The following FBXO34 variants were observed in gnomAD, a reference collection of about 807,000 sequenced individuals.
FBXO34 encodes F-box protein 34.
FBXO34 carries 12 observed loss-of-function variants against 24.5 expected under a neutral mutation model. The observed-to-expected ratio is 0.49, with a 90% CI of 0.31 to 0.79. The LOEUF (loss-of-function observed/expected upper bound fraction) is 0.79. Among genes scored for constraint, FBXO34 ranks in the 30% least tolerant of loss-of-function variants. FBXO34 has a pLI of 0.04. For synonymous variants in FBXO34, 320 were observed against 311.9 expected (o/e 1.03, Z -0.27); for missense variants, 823 against 857.7 (o/e 0.96, Z 0.51).
chr14:55,285,096 G>A (rs116848050), intron 1 of FBXO34: 4,363 of 150,014 alleles, frequency 0.029, 380 homozygotes, highest in Non-Finnish European at 0.048. Flanking sequence ...TGTTCCGGCC[G>A]GGCACAGTGG....
downstream of FBXO34, among the ~76,000 whole-genome samples, chr14:55,363,099 T>G (rs1163007832): frequency 6.6e-6 from 1 of 150,978 alleles, no homozygotes; most frequent in Non-Finnish European, 1.5e-5. Context: ...CTTGGCTCAC[T>G]GCAACCTCTG....
chr14:55,350,116 A>G (rs944603548), intron 1 of FBXO34, among the ~76,000 whole-genome samples: 2 of 151,704 alleles, frequency 1.3e-5, no homozygotes, highest in South Asian at 2.1e-4. Flanking sequence ...TGTTAACTGA[A>G]GTCAGTTTCT....
the FBXO34 span, among the ~76,000 whole-genome samples, chr14:55,421,696 C>CA: frequency 6.6e-6 from 1 of 152,150 alleles, no homozygotes; most frequent in African/African-American, 2.4e-5. Flanking sequence ...TTCCTGGCCT[C>CA]ATGTGATCTG....
chr14:55,442,388 CAAAA>C, the FBXO34 span, among the ~76,000 whole-genome samples: 6 of 138,474 alleles, frequency 4.3e-5, no homozygotes, highest in East Asian at 2.2e-4. Flanking sequence ...GACTCTGTCT[CAAAA>C]AAAAAAAAAA....
chr14:55,313,675 A>G (rs533860663), intron 1 of FBXO34, among the ~76,000 whole-genome samples: 29 of 152,324 alleles, frequency 1.9e-4, no homozygotes, highest in East Asian at 9.6e-4. Flanking sequence ...CTTCTTCACA[A>G]TGTGGCAGTT....
chr14:55,392,143 C>A, the FBXO34 span, among the ~76,000 whole-genome samples: 1 of 152,152 alleles, frequency 6.6e-6, no homozygotes, highest in Non-Finnish European at 1.5e-5. Context: ...CAACCTAGAT[C>A]CCTCGCATGT....
chr14:55,381,503 C>A, the FBXO34 span, among the ~76,000 whole-genome samples: 1 of 152,140 alleles, frequency 6.6e-6, no homozygotes, highest in Non-Finnish European at 1.5e-5. Context: ...TGTTTTCAGT[C>A]CATCAAGTGA....
chr14:55,383,243 A>T, the FBXO34 span, among the ~76,000 whole-genome samples: 1 of 135,036 alleles, frequency 7.4e-6, no homozygotes, highest in Admixed American at 7.5e-5. Flanking sequence ...TATTCGGGGG[A>T]AAAAAAGAAA....
At chr14:55,280,251 A>G (rs1881486562) in intron 1 of FBXO34, among the ~76,000 whole-genome samples, 1 of 152,178 alleles carries the variant, frequency 6.6e-6, no homozygotes, top group African/African-American at 2.4e-5. Flanking sequence ...TGAGATAACT[A>G]TGTAGAGCAG....
chr14:55,379,859 T>C, the FBXO34 span, among the ~76,000 whole-genome samples: 1 of 152,326 alleles, frequency 6.6e-6, no homozygotes, highest in East Asian at 1.9e-4. Context: ...ATAGCTGGGA[T>C]ACAGGCGCAG....
chr14:55,283,383 C>G (rs1009345227), intron 1 of FBXO34, among the ~76,000 whole-genome samples: 1 of 151,928 alleles, frequency 6.6e-6, no homozygotes, highest in Non-Finnish European at 1.5e-5. Context: ...GTTATATTTC[C>G]ATCACTTTTT....
rs1884408100 is a variant in FBXO34 at position 55,352,087 on chromosome 14, A to G, written c.1697A>G (p.Gln566Arg). ...TTCCTGGAGACCAGGTTTAAAATCC[A>G]GCAGCTTTTGGAGCCTCAGCAGTAC... is the stretch of plus-strand genomic sequence containing the variant. ...HDFLETRFKI[Q>R]QLLEPQQYMA... The change falls in exon 2 of 2, where the codon CAG (glutamine) becomes CGG (arginine). Residue 566 changes from glutamine to arginine, a missense_variant. Coordinates refer to ENST00000313833, the MANE Select transcript of FBXO34 (RefSeq NM_017943.4). 1 of 1,614,090 alleles carries G rather than the reference A, an allele frequency of 6.2e-7. No individual in the cohort carries two copies. The highest frequency in any genetic ancestry group is 1.1e-5 in the South Asian group (1 of 91,086).
intron 3 of FBXO34, among the ~76,000 whole-genome samples, chr14:55,359,847 C>T (rs760030554): frequency 6.7e-5 from 10 of 148,400 alleles, no homozygotes; most frequent in East Asian, 6.0e-4. Flanking sequence ...TGGGAGGCCA[C>T]GGTGGGAGGG....
At chr14:55,281,991 C>CTTTTTTTTTTTTTT (rs372305828) in intron 1 of FBXO34, among the ~76,000 whole-genome samples, 1 of 65,134 alleles carries the variant, frequency 1.5e-5, no homozygotes, top group African/African-American at 7.6e-5. Context: ...TTAAATTTAG[C>CTTTTTTTTTTTTTT]TTTTTTTTTT....
downstream of FBXO34, among the ~76,000 whole-genome samples, chr14:55,372,282 A>C (rs1352624653): frequency 6.8e-6 from 1 of 146,576 alleles, no homozygotes; most frequent in East Asian, 2.1e-4. Context: ...TCCTCACCAT[A>C]TCACCACCAC....
the FBXO34 span, among the ~76,000 whole-genome samples, chr14:55,428,289 C>T: frequency 2.0e-5 from 3 of 151,858 alleles, no homozygotes; most frequent in South Asian, 2.1e-4. Context: ...GCTGCCACGC[C>T]CGGCTAATTT....
intron 1 of FBXO34, among the ~76,000 whole-genome samples, chr14:55,288,223 G>A (rs774644134): frequency 6.6e-6 from 1 of 152,112 alleles, no homozygotes; most frequent in African/African-American, 2.4e-5. Context: ...TTTGGCATTG[G>A]TGTGAGAAAC....
intron 1 of FBXO34, among the ~76,000 whole-genome samples, chr14:55,337,531 A>C (rs1566561876): frequency 1.3e-5 from 2 of 152,236 alleles, no homozygotes; most frequent in African/African-American, 2.4e-5. Context: ...GAATGTTTCT[A>C]ATGATGGCTG....
the FBXO34 span, chr14:55,428,691 C>A: frequency 9.0e-7 from 1 of 1,115,260 alleles, no homozygotes. Context: ...ACTATTGTGT[C>A]CCCCGCCTTT....
Sources: gnomAD v4.1 joint callset for allele counts (sites outside exome capture counted in the v4.1 genomes callset) on GRCh38, gnomAD v4.1.1 for gene constraint, MANE v1.5 for transcripts, NCBI Gene and HGNC (gene_info 2026-07-23, HGNC 2026-07-21) for gene names.